DNAAF9: variants seen among roughly 807,000 people sequenced by gnomAD.
The protein encoded by DNAAF9 is shulin.
Under a neutral mutation model 167.0 loss-of-function variants are expected in DNAAF9, and 90 were observed. The observed-to-expected ratio is 0.54, with a 90% CI of 0.45 to 0.64. DNAAF9 has a LOEUF of 0.64. DNAAF9 is among the 30% of genes least tolerant of loss of function. DNAAF9 has a pLI of 0.00. For synonymous variants in DNAAF9, 491 were observed against 508.8 expected (o/e 0.96, Z 0.47); for missense variants, 1,315 against 1,442.2 (o/e 0.91, Z 1.43).
chr20:3,333,213 G>C (rs1208365196), intron 10 of DNAAF9, among the ~76,000 whole-genome samples: 1 of 152,112 alleles, frequency 6.6e-6, no homozygotes, highest in Non-Finnish European at 1.5e-5. Context: ...GAGAAAATAA[G>C]TTCCTCTAGG....
At chr20:3,362,659 C>A (rs2123184774) in intron 6 of DNAAF9, among the ~76,000 whole-genome samples, 1 of 152,266 alleles carries the variant, frequency 6.6e-6, no homozygotes, top group South Asian at 2.1e-4. Flanking sequence ...GCACCCGCCC[C>A]CGCTGCTCCA....
chr20:3,312,070 C>G (rs192136103), intron 20 of DNAAF9, among the ~76,000 whole-genome samples: 4 of 151,730 alleles, frequency 2.6e-5, no homozygotes, highest in Admixed American at 6.6e-5. Flanking sequence ...CCCACCACAA[C>G]CTCTGCCTCC....
At chr20:3,383,225 A>G (rs942498633) in intron 1 of DNAAF9, among the ~76,000 whole-genome samples, 4 of 149,652 alleles carry the variant, frequency 2.7e-5, no homozygotes, top group Admixed American at 2.7e-4. Flanking sequence ...TGGTCTCCTC[A>G]TCATCTCCAG....
At chr20:3,266,411 T>C (rs1279562437) in intron 30 of DNAAF9, among the ~76,000 whole-genome samples, 4 of 152,230 alleles carry the variant, frequency 2.6e-5, no homozygotes, top group African/African-American at 9.6e-5. Context: ...TCATTGATCG[T>C]TCCCTAAATC....
At chr20:3,335,576 G>A (rs915569317) in intron 10 of DNAAF9, among the ~76,000 whole-genome samples, 1 of 151,876 alleles carries the variant, frequency 6.6e-6, no homozygotes, top group Non-Finnish European at 1.5e-5. Flanking sequence ...GGCCAACATA[G>A]TGAAACCCTG....
intron 3 of DNAAF9, among the ~76,000 whole-genome samples, chr20:3,379,872 A>AC (rs2083624214): frequency 6.6e-6 from 1 of 152,240 alleles, no homozygotes; most frequent in Admixed American, 6.5e-5. Context: ...AGCCTGGCCA[A>AC]CATGGTGAAA....
At chr20:3,402,728 C>T (rs1309179651) in intron 1 of DNAAF9, among the ~76,000 whole-genome samples, 1 of 152,148 alleles carries the variant, frequency 6.6e-6, no homozygotes. Flanking sequence ...CAGGCGCATG[C>T]CACCACGCCT....
intron 4 of DNAAF9, among the ~76,000 whole-genome samples, chr20:3,375,532 C>T (rs1049517774): frequency 2.6e-5 from 4 of 152,140 alleles, no homozygotes; most frequent in African/African-American, 9.7e-5. Flanking sequence ...GATACCAAGA[C>T]ATTCAAACAC....
At chr20:3,368,210 C>T (rs1273002548) in intron 6 of DNAAF9, among the ~76,000 whole-genome samples, 1 of 152,134 alleles carries the variant, frequency 6.6e-6, no homozygotes, top group African/African-American at 2.4e-5. Flanking sequence ...CGCAGACTCC[C>T]AGCTGCATCT....
Position 3,376,230 on chromosome 20 carries a change from G to A in DNAAF9, c.356C>T (p.Pro119Leu), listed in dbSNP as rs2083573229. Reference sequence around the variant, plus strand: ...CAGATTTCTCCAATGTGCCACATAAGGTAAGAGATAGCGAAAGTTTACAGG... The same window carrying A: ...CAGATTTCTCCAATGTGCCACATAAAGTAAGAGATAGCGAAAGTTTACAGG... ...CNPVNFRYLL[P>L]YVAHWRNLHF... Residue 119 changes from proline (P) to leucine (L), a missense_variant, in exon 4 of 37, where the codon CCT (proline) becomes CTT (leucine). Transcript: ENST00000252032. 1.9e-6 allele frequency: 3 copies of A among 1,613,584 alleles called. No individual in the cohort carries two copies. Among genetic ancestry groups the A allele is most frequent in the African/African-American group, 2.7e-5 (2 of 75,032 alleles).
chr20:3,310,344 AGAAAGAAAG>A (rs1194324771), intron 20 of DNAAF9, among the ~76,000 whole-genome samples: 3 of 103,090 alleles, frequency 2.9e-5, no homozygotes, highest in South Asian at 2.9e-4. Flanking sequence ...AAAGAAAGAA[AGAAAGAAAG>A]AAAGAAAGAA....
In DNAAF9 at chr20:3,290,174, C is replaced by T. The variant is rs747917034; in HGVS notation, c.2282G>A (p.Ser761Asn). Residue 761 changes from serine (S) to asparagine (N), a missense_variant, in exon 26 of 37, where the codon AGC becomes AAC. Physicochemically the swap from Ser to Asn is conservative, Grantham distance 46. Around this residue, in one of 2 missense-constraint regions of DNAAF9, gnomAD observed 981 missense variants for 1,012.5 expected, o/e 0.97. Coordinates refer to ENST00000252032, the MANE Select transcript of DNAAF9 (RefSeq NM_001009984.3). ...AGTGACCAGAAAAGCACAGAGCTCG[C>T]TAGCGTGACAGCCTGGGAGGCCGGT... ...IVTGLPGCHASELCAFLVTLH... is the reference protein window; with the variant it reads ...IVTGLPGCHANELCAFLVTLH... 1.9e-6 allele frequency: 3 copies of T among 1,613,406 alleles called. No homozygotes were observed. In the South Asian group the frequency reaches 3.3e-5, roughly 18 times the overall value.
At chr20:3,284,871 ATGTG>A (rs949386375) in intron 27 of DNAAF9, among the ~76,000 whole-genome samples, 2 of 150,474 alleles carry the variant, frequency 1.3e-5, no homozygotes, top group African/African-American at 2.5e-5. Context: ...GTGTGTGTGT[ATGTG>A]TGTGTGTGTG....
intron 1 of DNAAF9, among the ~76,000 whole-genome samples, chr20:3,394,292 C>T (rs762097660): frequency 6.7e-6 from 1 of 149,406 alleles, no homozygotes; most frequent in Non-Finnish European, 1.5e-5. Flanking sequence ...GAGCTGAGAT[C>T]ATGCCATTGC....
intron 1 of DNAAF9, among the ~76,000 whole-genome samples, chr20:3,394,937 A>AT (rs1568647856): frequency 9.8e-6 from 1 of 102,408 alleles, no homozygotes. Flanking sequence ...TTTACTGAAC[A>AT]TTTTCTTTTT....
At chr20:3,253,487 A>G (rs776452593) in intron 36 of DNAAF9, among the ~76,000 whole-genome samples, 3 of 152,152 alleles carry the variant, frequency 2.0e-5, no homozygotes, top group Non-Finnish European at 4.4e-5. Context: ...TATAACCCAG[A>G]GTCACATTAG....
chr20:3,296,955 C>G lies in DNAAF9; in HGVS notation c.1930-6G>C. The G allele has an allele frequency of 6.4e-7, 1 of 1,564,866 alleles. No individual in the cohort carries two copies. The highest frequency in any genetic ancestry group is 8.8e-7 in the Non-Finnish European group (1 of 1,136,264). ...TGTTTCCAGAGGGAGAAGACCTAAA[C>G]AAAACAGAATTTGAGCAAAGAACAC... On this transcript the variant is annotated splice_region_variant and splice_polypyrimidine_tract_variant and intron_variant, in intron 22 of 36. Coordinates refer to ENST00000252032, the MANE Select transcript of DNAAF9 (RefSeq NM_001009984.3).
rs778985756 is a variant in DNAAF9, at chr20:3,382,461, G to C, written c.129C>G (p.Ser43Arg). Residue 43 changes from serine (S) to arginine (R), a missense_variant, in exon 2 of 37, where the codon AGC becomes AGG. By Grantham distance (110) the Ser-to-Arg change is moderately radical. Transcript: ENST00000252032. ...AGAGGATCCCATCCGGCCGAGACTT[G>C]CTGCTCTGGGTCAGGATGCTCTGAA... Reference protein sequence around the residue: ...RQVQSILTQSSKSRPDGILCI... With the variant: ...RQVQSILTQSRKSRPDGILCI... The C allele has an allele frequency of 6.2e-6, 10 of 1,613,826 alleles. No individual in the cohort carries two copies. In the Admixed American group the frequency reaches 1.2e-4, roughly 19 times the overall value.
chr20:3,298,971 T>G (rs1262634062), intron 21 of DNAAF9, among the ~76,000 whole-genome samples: 2 of 145,130 alleles, frequency 1.4e-5, no homozygotes, highest in Non-Finnish European at 3.0e-5. Flanking sequence ...TGCAAAAGCA[T>G]GATCTCCGCT....
Sources: gnomAD v4.1 joint callset for allele counts (sites outside exome capture counted in the v4.1 genomes callset) on GRCh38, gnomAD v4.1.1 for gene constraint, gnomAD v4.1.1 regional missense constraint, MANE v1.5 for transcripts, NCBI Gene and HGNC (gene_info 2026-07-23, HGNC 2026-07-21) for gene names.